ADAMTSL1: variants seen among roughly 807,000 people sequenced by gnomAD.
The protein encoded by ADAMTSL1 is ADAMTS like 1.
Under a neutral mutation model 201.8 loss-of-function variants are expected in ADAMTSL1, and 126 were observed. The ratio of observed to expected loss-of-function variants is 0.62; its 90% CI spans 0.54 to 0.72. The LOEUF is 0.72. Ranked by LOEUF, ADAMTSL1 falls within the 30% of genes least tolerant of loss-of-function variation. The pLI is 0.00. For missense variants in ADAMTSL1, 2,679 were observed against 2,277.8 expected (o/e 1.18, Z -3.59); for synonymous variants, 1,121 against 903.4 (o/e 1.24, Z -4.32).
At chr9:17,931,877 C>T (rs1826806673) in intron 1 of ADAMTSL1, among the ~76,000 whole-genome samples, 1 of 152,114 alleles carries the variant, frequency 6.6e-6, no homozygotes, top group African/African-American at 2.4e-5. Flanking sequence ...TTGGCAAAAT[C>T]CTTACAGCAG....
intron 2 of ADAMTSL1, among the ~76,000 whole-genome samples, chr9:18,518,783 G>A (rs769604095): frequency 2.0e-5 from 3 of 151,932 alleles, no homozygotes; most frequent in East Asian, 1.9e-4. Flanking sequence ...ATCTCAGCTC[G>A]CTGCAACCTC....
At chr9:18,862,621 T>C (rs1022992228) in intron 23 of ADAMTSL1, among the ~76,000 whole-genome samples, 1 of 152,206 alleles carries the variant, frequency 6.6e-6, no homozygotes, top group East Asian at 1.9e-4. Flanking sequence ...TAGATAAGTA[T>C]ACACAGAGAG....
chr9:18,234,110 A>G (rs186294010), intron 2 of ADAMTSL1, among the ~76,000 whole-genome samples: 198 of 152,230 alleles, frequency 1.3e-3, no homozygotes, highest in African/African-American at 4.5e-3. Context: ...AGGGCTTGCT[A>G]AAGGTTTGGA....
At chr9:18,641,123 C>T (rs1827408808) in intron 7 of ADAMTSL1, among the ~76,000 whole-genome samples, 1 of 152,012 alleles carries the variant, frequency 6.6e-6, no homozygotes, top group Non-Finnish European at 1.5e-5. Flanking sequence ...TAACTCATTA[C>T]CTTTGCAGGA....
At chr9:18,837,746 A>G (rs975039776) in intron 23 of ADAMTSL1, among the ~76,000 whole-genome samples, 2 of 152,192 alleles carry the variant, frequency 1.3e-5, no homozygotes, top group Non-Finnish European at 2.9e-5. Context: ...TCATATTACA[A>G]CAGCAGAATT....
intron 1 of ADAMTSL1, among the ~76,000 whole-genome samples, chr9:17,962,500 A>T (rs531117288): frequency 6.6e-6 from 1 of 152,276 alleles, no homozygotes; most frequent in African/African-American, 2.4e-5. Flanking sequence ...TTAGAGCAAA[A>T]ATCCAGGGCC....
intron 3 of ADAMTSL1, among the ~76,000 whole-genome samples, chr9:18,564,412 A>G (rs997541506): frequency 4.6e-5 from 7 of 151,914 alleles, no homozygotes; most frequent in Admixed American, 2.6e-4. Flanking sequence ...CCTGGCTTCT[A>G]TGTTGATCTC....
At chr9:17,971,779 T>G (rs1167449197) in intron 1 of ADAMTSL1, among the ~76,000 whole-genome samples, 1 of 151,986 alleles carries the variant, frequency 6.6e-6, no homozygotes, top group Non-Finnish European at 1.5e-5. Flanking sequence ...TTTAACTTCT[T>G]AAATGTGACC....
intron 4 of ADAMTSL1, among the ~76,000 whole-genome samples, chr9:18,615,311 C>G (rs1375937581): frequency 1.3e-5 from 2 of 152,160 alleles, no homozygotes; most frequent in Non-Finnish European, 2.9e-5. Flanking sequence ...GTATGCCTGC[C>G]TGTGTGGCAG....
intron 14 of ADAMTSL1, among the ~76,000 whole-genome samples, chr9:18,708,463 T>C (rs1183391625): frequency 3.3e-5 from 5 of 152,236 alleles, no homozygotes; most frequent in African/African-American, 9.6e-5. Flanking sequence ...TCAGTGAATG[T>C]AACTGTGTTC....
chr9:18,185,126 T>C (rs548482717), intron 2 of ADAMTSL1, among the ~76,000 whole-genome samples: 2 of 152,230 alleles, frequency 1.3e-5, no homozygotes, highest in Admixed American at 1.3e-4. Flanking sequence ...TCCTGGTCTT[T>C]ATAGCCTGGT....
chr9:18,503,421 G>GTTTATATATATATATATATATATATA (rs376466829), intron 1 of ADAMTSL1, among the ~76,000 whole-genome samples: 1 of 115,272 alleles, frequency 8.7e-6, no homozygotes, highest in Non-Finnish European at 1.9e-5. Context: ...ATTCCATTGT[G>GTTTATATATATATATATATATATATA]TATATATATA....
intron 1 of ADAMTSL1, among the ~76,000 whole-genome samples, chr9:18,129,633 TA>T: frequency 6.6e-6 from 1 of 152,338 alleles, no homozygotes; most frequent in South Asian, 2.1e-4. Context: ...ATATGTTTAT[TA>T]AGTTAATCTT....
intron 1 of ADAMTSL1, among the ~76,000 whole-genome samples, chr9:18,489,572 G>A (rs1460315471): frequency 6.6e-6 from 1 of 152,168 alleles, no homozygotes; most frequent in Non-Finnish European, 1.5e-5. Flanking sequence ...GTAAAAGATA[G>A]AAGAAATTAA....
chr9:18,185,047 G>C (rs1341797536), intron 2 of ADAMTSL1, among the ~76,000 whole-genome samples: 2 of 152,058 alleles, frequency 1.3e-5, no homozygotes, highest in African/African-American at 4.8e-5. Context: ...TTGGATGTCA[G>C]ATTTTCAGAT....
chr9:18,313,749 G>T (rs1180415521), intron 2 of ADAMTSL1, among the ~76,000 whole-genome samples: 2 of 152,126 alleles, frequency 1.3e-5, no homozygotes, highest in Non-Finnish European at 1.5e-5. Context: ...AAAGTATAGG[G>T]AAAGAAACCT....
chr9:18,488,360 C>A (rs920432399), intron 1 of ADAMTSL1, among the ~76,000 whole-genome samples: 8 of 152,172 alleles, frequency 5.3e-5, no homozygotes, highest in Admixed American at 1.3e-4. Context: ...CACGTTTGGT[C>A]AGTAGCCAAA....
chr9:18,033,927 A>G (rs905739031), intron 1 of ADAMTSL1, among the ~76,000 whole-genome samples: 5 of 152,200 alleles, frequency 3.3e-5, no homozygotes, highest in African/African-American at 9.7e-5. Flanking sequence ...TTATCACAAT[A>G]AAGTCCTTCT....
At chr9:17,929,331 A>G (rs1826683012) in intron 1 of ADAMTSL1, among the ~76,000 whole-genome samples, 1 of 151,868 alleles carries the variant, frequency 6.6e-6, no homozygotes, top group African/African-American at 2.4e-5. Context: ...CCCCACCCCC[A>G]TGAAATCTTA....
Sources: allele counts gnomAD v4.1 joint callset (sites outside exome capture counted in the v4.1 genomes callset), GRCh38; gene constraint gnomAD v4.1.1; transcripts MANE v1.5; gene names NCBI Gene and HGNC (gene_info 2026-07-23, HGNC 2026-07-21).